Variants in TUBGCP3 observed in about 807,000 individuals in gnomAD.
TUBGCP3 encodes the protein tubulin gamma complex component 3.
A neutral mutation model predicts 123.1 loss-of-function variants in TUBGCP3; 50 were observed. The ratio of observed to expected loss-of-function variants is 0.41; its 90% CI spans 0.32 to 0.51. The LOEUF (loss-of-function observed/expected upper bound fraction) is 0.51. Ranked by LOEUF, TUBGCP3 falls within the 20% of genes least tolerant of loss-of-function variation. The pLI is 0.36. For synonymous variants in TUBGCP3, 405 were observed against 413.9 expected, an observed-to-expected ratio of 0.98 and a Z score of 0.26; for missense variants, 882 against 1,127.0, an observed-to-expected ratio of 0.78 and a Z score of 3.11.
chr13:112,584,669 A>C (rs1333069079), intron 1 of TUBGCP3, among the ~76,000 whole-genome samples: 1 of 152,238 alleles, frequency 6.6e-6, no homozygotes, highest in Non-Finnish European at 1.5e-5. Context: ...TACTGTAGTC[A>C]TACCTGAACA....
At chr13:112,558,074 C>T in intron 5 of TUBGCP3, 122 bp downstream of exon 5, 1 of 1,080,408 alleles carries the variant, frequency 9.3e-7, no homozygotes, top group Non-Finnish European at 1.3e-6. Flanking sequence ...GTGCCCAGAA[C>T]ACTGTCTGGC....
At chr13:112,579,571 T>A (rs1007242709) in intron 1 of TUBGCP3, among the ~76,000 whole-genome samples, 2 of 144,890 alleles carry the variant, frequency 1.4e-5, no homozygotes, top group African/African-American at 5.3e-5. Context: ...GGCCACGGCA[T>A]CCCTGGAGCT....
intron 11 of TUBGCP3, among the ~76,000 whole-genome samples, chr13:112,544,325 A>T (rs561931288): frequency 6.6e-6 from 1 of 151,842 alleles, no homozygotes; most frequent in Non-Finnish European, 1.5e-5. Context: ...GGTGGCGGGC[A>T]CCTGTAGTCC....
chr13:112,575,317 T>G (rs1464767442), intron 1 of TUBGCP3, among the ~76,000 whole-genome samples: 1 of 152,224 alleles, frequency 6.6e-6, no homozygotes, highest in Non-Finnish European at 1.5e-5. Context: ...TACATTTCTA[T>G]CAGACAAAGT....
intron 8 of TUBGCP3, among the ~76,000 whole-genome samples, chr13:112,550,915 A>C (rs540465764): frequency 6.6e-6 from 1 of 152,148 alleles, no homozygotes; most frequent in Non-Finnish European, 1.5e-5. Context: ...TGGCTAACAC[A>C]GTGAAACCCC....
At chr13:112,498,873 C>T in intron 20 of TUBGCP3, 172 bp downstream of exon 20, 2 of 1,611,112 alleles carry the variant, frequency 1.2e-6, no homozygotes, top group Non-Finnish European at 1.7e-6. Context: ...GAGGGTGGCC[C>T]CTCCCTCTTT....
intron 18 of TUBGCP3, 75 bp from the exon 19 acceptor site, chr13:112,504,238 C>T: frequency 1.3e-6 from 2 of 1,592,036 alleles, no homozygotes; most frequent in Non-Finnish European, 1.7e-6. Context: ...AAAATATATA[C>T]CACCTATGGG....
intron 2 of TUBGCP3, among the ~76,000 whole-genome samples, chr13:112,567,244 T>A (rs1204570985): frequency 6.6e-6 from 1 of 152,172 alleles, no homozygotes; most frequent in Admixed American, 6.5e-5. Flanking sequence ...ATTGCTGCAG[T>A]TTTCTTCTTT....
intron 11 of TUBGCP3, among the ~76,000 whole-genome samples, chr13:112,537,127 CTTT>C (rs58140098): frequency 3.6e-4 from 28 of 78,124 alleles, no homozygotes; most frequent in African/African-American, 5.2e-4. Context: ...TACCTTTTTC[CTTT>C]TTTTTTTTTT....
the TUBGCP3 span, chr13:112,605,415 C>T: frequency 6.6e-6 from 1 of 152,116 alleles, no homozygotes; most frequent in East Asian, 1.9e-4. Flanking sequence ...ATCACACAGG[C>T]TCTTTATCCC....
chr13:112,553,355 G>A (rs920454957), intron 8 of TUBGCP3, among the ~76,000 whole-genome samples: 2 of 152,264 alleles, frequency 1.3e-5, no homozygotes, highest in African/African-American at 4.8e-5. Flanking sequence ...TGAGCTTATA[G>A]TACACAGTTG....
rs2139168704 is a variant in TUBGCP3 at position 112,545,563 on chromosome 13, G to A, written c.1335+136C>T. 6 of 972,208 alleles carry A rather than the reference G, an allele frequency of 6.2e-6. No individual in the cohort carries two copies. Among genetic ancestry groups the A allele is most frequent in the Non-Finnish European group, 7.8e-6 (5 of 639,818 alleles). The allele number at this position is 972,208 out of a possible 1,614,324, so 60.2% of individuals were successfully genotyped here. A position where few individuals can be genotyped will look rare whatever the true frequency, so the allele number is the denominator to read the frequency against. ...CAGCTGTCGAGGCACTGTGTAAAATGTATATGGTATTCAATGGAAGTGCAG... is the reference window on the plus strand; with the variant it reads ...CAGCTGTCGAGGCACTGTGTAAAATATATATGGTATTCAATGGAAGTGCAG... On this transcript the variant is annotated intron_variant, in intron 11 of 21. Coordinates refer to ENST00000261965, the MANE Select transcript of TUBGCP3 (RefSeq NM_006322.6). The surrounding 1 kb of genome is among the most constrained non-coding windows in gnomAD (Gnocchi z 4.1).
intron 11 of TUBGCP3, among the ~76,000 whole-genome samples, chr13:112,544,137 C>T (rs9604351): frequency 0.14 from 21,715 of 152,156 alleles, 2,620 homozygotes; most frequent in African/African-American, 0.33. Context: ...CTGAGTGCAA[C>T]GTGGCAGAAG....
At chr13:112,489,345 A>G (rs1192948037) in intron 21 of TUBGCP3, among the ~76,000 whole-genome samples, 1 of 152,256 alleles carries the variant, frequency 6.6e-6, no homozygotes, top group African/African-American at 2.4e-5. Context: ...GCATCCCACC[A>G]CAGGGGCCAC....
At chr13:112,544,324 C>T (rs1011673072) in intron 11 of TUBGCP3, among the ~76,000 whole-genome samples, 1 of 151,966 alleles carries the variant, frequency 6.6e-6, no homozygotes, top group South Asian at 2.1e-4. Flanking sequence ...TGGTGGCGGG[C>T]ACCTGTAGTC....
At chr13:112,586,031 A>T (rs1173017741) in intron 1 of TUBGCP3, among the ~76,000 whole-genome samples, 2 of 152,076 alleles carry the variant, frequency 1.3e-5, no homozygotes, top group East Asian at 3.9e-4. Flanking sequence ...CGAGGTCAGG[A>T]GATCGAAACC....
chr13:112,526,340 C>T (rs906908135), intron 13 of TUBGCP3, among the ~76,000 whole-genome samples: 2 of 139,620 alleles, frequency 1.4e-5, no homozygotes, highest in Non-Finnish European at 3.1e-5. Context: ...GCTGTCATCA[C>T]CACCCATCCC....
chr13:112,558,224 C>T lies in TUBGCP3; in HGVS notation c.520G>A (p.Ala174Thr), dbSNP rs772792668. 36 of 1,611,696 alleles carry T rather than the reference C, an allele frequency of 2.2e-5. No homozygotes were observed. The highest frequency in any genetic ancestry group is 6.7e-5 in the Admixed American group (4 of 60,004). The change falls in exon 5 of 22, where the codon GCG (alanine) becomes ACG (threonine). Residue 174 changes from alanine (A) to threonine (T), a missense_variant. Physicochemically the swap from Ala to Thr is moderately conservative, Grantham distance 58 (BLOSUM62 0). This residue lies in a region of TUBGCP3 where 713 missense variants were observed against 874.0 expected (regional missense o/e 0.82). Coordinates refer to ENST00000261965, the MANE Select transcript of TUBGCP3 (RefSeq NM_006322.6). Reference protein sequence around the residue: ...SIGLCALSGPAPAPQSLLPGQ... With the variant: ...SIGLCALSGPTPAPQSLLPGQ... The stretch of plus-strand genomic sequence containing the variant: ...GGGAGGAGAGATTGTGGCGCAGGCG[C>T]GGGGCCACTGAGGGCACACAGGCCA...
intron 13 of TUBGCP3, among the ~76,000 whole-genome samples, chr13:112,526,634 A>ACCATCATCACATCC (rs1877140225): frequency 6.8e-6 from 1 of 146,348 alleles, no homozygotes; most frequent in Non-Finnish European, 1.5e-5. Context: ...CCACCAGCAC[A>ACCATCATCACATCC]CCATCATCAC....
Sources: allele counts gnomAD v4.1 joint callset (sites outside exome capture counted in the v4.1 genomes callset), GRCh38; gene constraint gnomAD v4.1.1; regional missense constraint gnomAD v4.1.1; non-coding constraint Gnocchi (gnomAD v3.1); transcripts MANE v1.5; gene names NCBI Gene and HGNC (gene_info 2026-07-23, HGNC 2026-07-21).